The following FGF1 variants were observed in gnomAD, a reference collection of about 807,000 sequenced individuals.
The protein encoded by FGF1 is fibroblast growth factor 1.
In FGF1, 9 loss-of-function variants were observed where a neutral mutation model predicts 13.4. The ratio of observed to expected loss-of-function variants is 0.67; its 90% CI spans 0.40 to 1.17. The LOEUF (loss-of-function observed/expected upper bound fraction) is 1.17. FGF1 is among the 50% of genes most tolerant of loss of function. The probability of loss-of-function intolerance (pLI) is 0.01; values close to 1 mark genes in which losing one functional copy is unlikely to be tolerated. For synonymous variants in FGF1, 93 were observed against 79.0 expected (o/e 1.18, Z -0.94); for missense variants, 156 against 192.7 (o/e 0.81, Z 1.13).
At chr5:142,613,411 C>A (rs1759500021) in intron 2 of FGF1, among the ~76,000 whole-genome samples, 1 of 152,244 alleles carries the variant, frequency 6.6e-6, no homozygotes, top group Non-Finnish European at 1.5e-5. Flanking sequence ...ATGACTTTAC[C>A]ACTGCTGGTT....
At chr5:142,646,191 G>T (rs895902091) in intron 1 of FGF1, among the ~76,000 whole-genome samples, 8 of 144,132 alleles carry the variant, frequency 5.6e-5, no homozygotes, top group Non-Finnish European at 1.2e-4. Flanking sequence ...TTACAGGCGT[G>T]AGCCACCGCA....
intron 1 of FGF1, among the ~76,000 whole-genome samples, chr5:142,640,152 GAGA>G (rs1158995543): frequency 2.0e-5 from 3 of 151,914 alleles, no homozygotes; most frequent in Non-Finnish European, 2.9e-5. Context: ...GAAGAAACTC[GAGA>G]AGAAGAGACT....
intron 1 of FGF1, among the ~76,000 whole-genome samples, chr5:142,682,198 G>A (rs1773844318): frequency 6.6e-6 from 1 of 151,392 alleles, no homozygotes; most frequent in South Asian, 2.1e-4. Context: ...TGATTCTCCT[G>A]CCTCAGCCTC....
chr5:142,618,696 G>A (rs1402974216), intron 1 of FGF1, among the ~76,000 whole-genome samples: 2 of 152,132 alleles, frequency 1.3e-5, no homozygotes, highest in African/African-American at 4.8e-5. Flanking sequence ...ACAAAGGTAA[G>A]CCATGGTTAT....
intron 2 of FGF1, among the ~76,000 whole-genome samples, chr5:142,612,858 G>A (rs1407192137): frequency 1.3e-5 from 2 of 152,196 alleles, no homozygotes; most frequent in African/African-American, 4.8e-5. Flanking sequence ...TGAGGGTACA[G>A]CGTGAGCACC....
At chr5:142,626,939 A>G (rs1035209633) in intron 1 of FGF1, 1 of 152,238 alleles carries the variant, frequency 6.6e-6, no homozygotes, top group Non-Finnish European at 1.5e-5. Flanking sequence ...CAGGCAAGTC[A>G]TGTAACCTTT....
intron 1 of FGF1, 83 bp downstream of exon 1, chr5:142,685,874 A>AC (rs1554095417): frequency 6.9e-6 from 1 of 145,662 alleles, no homozygotes; most frequent in African/African-American, 2.5e-5. Context: ...ACACACACAA[A>AC]ACACACACAC....
At chr5:142,635,625 C>T (rs538703585) in intron 1 of FGF1, among the ~76,000 whole-genome samples, 1 of 152,328 alleles carries the variant, frequency 6.6e-6, no homozygotes, top group Non-Finnish European at 1.5e-5. Context: ...TGTTACAAGG[C>T]ACAGGACATA....
chr5:142,592,848 T>C lies in FGF1; in HGVS notation c.*2442A>G, dbSNP rs1754531571. The C allele has an allele frequency of 6.2e-6, 1 of 161,690 alleles. No homozygotes were observed. The highest frequency in any genetic ancestry group is 1.3e-5 in the Non-Finnish European group (1 of 74,738). The allele number at this position is 161,690 out of a possible 1,614,324, so 10.0% of individuals were successfully genotyped here. ...AAAATCTGGGTTTCTGGGATTTGCTTTATTCAGCAGGAACCTACAAAGTCT... is the reference window on the plus strand; with the variant it reads ...AAAATCTGGGTTTCTGGGATTTGCTCTATTCAGCAGGAACCTACAAAGTCT... On this transcript the variant is annotated 3_prime_UTR_variant, in exon 4 of 4. Transcript: ENST00000337706.
At chr5:142,659,247 T>G (rs1336979179) in intron 1 of FGF1, among the ~76,000 whole-genome samples, 3 of 129,198 alleles carry the variant, frequency 2.3e-5, no homozygotes, top group Non-Finnish European at 3.3e-5. Context: ...TTTTTTTTTT[T>G]GAGACAGGGT....
chr5:142,655,486 T>C (rs1000156285), intron 1 of FGF1, among the ~76,000 whole-genome samples: 2 of 152,178 alleles, frequency 1.3e-5, no homozygotes, highest in Non-Finnish European at 2.9e-5. Context: ...CTCACAGGCA[T>C]TGGGTAATGA....
chr5:142,633,661 G>C (rs1210389112), intron 1 of FGF1, among the ~76,000 whole-genome samples: 1 of 152,200 alleles, frequency 6.6e-6, no homozygotes, highest in East Asian at 1.9e-4. Context: ...AGGCTCACGG[G>C]GAGCAGAATG....
intron 1 of FGF1, among the ~76,000 whole-genome samples, chr5:142,657,735 C>T (rs934214795): frequency 6.6e-6 from 1 of 152,226 alleles, no homozygotes; most frequent in East Asian, 1.9e-4. Flanking sequence ...GACTCTCAGC[C>T]CAGTGGGCAG....
intron 1 of FGF1, among the ~76,000 whole-genome samples, chr5:142,669,209 T>C (rs986895278): frequency 2.6e-5 from 4 of 152,190 alleles, no homozygotes; most frequent in African/African-American, 9.7e-5. Flanking sequence ...AGTGGAGACT[T>C]TGGAGAAGGG....
chr5:142,645,832 G>T (rs1734254957), intron 1 of FGF1, among the ~76,000 whole-genome samples: 1 of 152,062 alleles, frequency 6.6e-6, no homozygotes, highest in Non-Finnish European at 1.5e-5. Flanking sequence ...CCTGAGCTCA[G>T]GCCACAGCCC....
intron 1 of FGF1, among the ~76,000 whole-genome samples, chr5:142,630,243 GCCTCCCACACCTCACCC>G (rs1160021369): frequency 8.5e-5 from 13 of 152,048 alleles, no homozygotes; most frequent in Non-Finnish European, 1.0e-4. Context: ...CAAAGCAAGT[GCCTCCCACACCTCACCC>G]TAGTCCCAGC....
At chr5:142,679,516 C>T (rs73795170) in intron 1 of FGF1, among the ~76,000 whole-genome samples, 2,677 of 152,262 alleles carry the variant, frequency 0.018, 76 homozygotes, top group African/African-American at 0.061. Context: ...GGCTCTTGTC[C>T]TCAGGCACTG....
Position 142,672,196 on chromosome 5 carries a change from A to G in FGF1, c.-35+13761T>C, listed in dbSNP as rs568077043. ...AACTGAAAAGGCATAAATCAATGTT[A>G]CCAATATTTTAACAGTGATTACCAC... On this transcript the variant is annotated intron_variant, in intron 1 of 3. Transcript: ENST00000337706. 2.6e-5 allele frequency among the ~76,000 whole-genome samples: 4 copies of G among 152,322 alleles called. No individual in the cohort carries two copies. The South Asian group carries it at 8.3e-4, about 32-fold the overall frequency.
At chr5:142,660,615 C>A (rs570970933) in intron 1 of FGF1, among the ~76,000 whole-genome samples, 29 of 152,344 alleles carry the variant, frequency 1.9e-4, no homozygotes, top group African/African-American at 6.7e-4. Context: ...CACACCCATT[C>A]AGCCTCTCAA....
Sources: gnomAD v4.1 joint callset for allele counts (sites outside exome capture counted in the v4.1 genomes callset) on GRCh38, gnomAD v4.1.1 for gene constraint, MANE v1.5 for transcripts, NCBI Gene and HGNC (gene_info 2026-07-23, HGNC 2026-07-21) for gene names.